The following CELF2 variants were observed in gnomAD, a reference collection of about 807,000 sequenced individuals.
CELF2 encodes CUGBP Elav-like family member 2.
Under a neutral mutation model 62.6 loss-of-function variants are expected in CELF2, and 8 were observed. The observed-to-expected ratio is 0.13, with a 90% CI of 0.07 to 0.23. The LOEUF is 0.23. Among genes scored for constraint, CELF2 ranks in the 10% least tolerant of loss-of-function variants. The pLI is 1.00. For synonymous variants in CELF2, 258 were observed against 250.0 expected, an observed-to-expected ratio of 1.03 and a Z score of -0.30; for missense variants, 333 against 671.0, an observed-to-expected ratio of 0.50 and a Z score of 5.56.
At chr10:10,466,898 A>C in the CELF2 span, among the ~76,000 whole-genome samples, 2 of 152,116 alleles carry the variant, frequency 1.3e-5, no homozygotes, top group African/African-American at 4.8e-5. Flanking sequence ...GTGTCATCTT[A>C]ATATTGAGTT....
At chr10:10,563,978 T>A in the CELF2 span, among the ~76,000 whole-genome samples, 1 of 152,162 alleles carries the variant, frequency 6.6e-6, no homozygotes, top group Non-Finnish European at 1.5e-5. Flanking sequence ...GGCTCAAAGT[T>A]TGAGGCTTGA....
intron 1 of CELF2, among the ~76,000 whole-genome samples, chr10:11,160,440 T>C (rs2065438065): frequency 6.6e-6 from 1 of 152,090 alleles, no homozygotes; most frequent in African/African-American, 2.4e-5. Flanking sequence ...TAGATAAATC[T>C]CAACTCTAAT....
Position 11,010,773 on chromosome 10 carries a change from C to A in CELF2, c.53+5333C>A, listed in dbSNP as rs1478112896. On this transcript the variant is annotated intron_variant, in intron 1 of 12. Coordinates refer to the CELF2 transcript ENST00000416382. This position sits in a 1 kb window ranked among gnomAD's most constrained non-coding sequence, Gnocchi z 4.1. ...CCACTGTAGACGTTGATTTGTGTCT[C>A]CTGGCTTTAACTAGCGAGGAAGTTG... 2 of 152,218 alleles carry A rather than the reference C, an allele frequency of 1.3e-5. No individual in the cohort carries two copies. Among genetic ancestry groups the A allele is most frequent in the Non-Finnish European group, 2.9e-5 (2 of 68,050 alleles). The allele number at this position is 152,218 out of a possible 1,614,324, so 9.4% of individuals were successfully genotyped here.
At chr10:10,911,658 C>A (rs2063823939) in intron 1 of CELF2, among the ~76,000 whole-genome samples, 1 of 152,224 alleles carries the variant, frequency 6.6e-6, no homozygotes, top group Non-Finnish European at 1.5e-5. Context: ...CCTGTCCGGA[C>A]CTCCGTCCAG....
intron 2 of CELF2, among the ~76,000 whole-genome samples, chr10:11,187,212 G>GT (rs764536597): frequency 9.2e-5 from 14 of 151,974 alleles, no homozygotes; most frequent in Non-Finnish European, 1.9e-4. Context: ...TTGAAGTTCT[G>GT]TTTTTTTGAT....
chr10:11,085,347 A>G (rs932339176), intron 1 of CELF2, among the ~76,000 whole-genome samples: 31 of 152,148 alleles, frequency 2.0e-4, no homozygotes, highest in African/African-American at 7.5e-4. Context: ...TTTGATGTTC[A>G]CCTTTTATAC....
chr10:11,110,004 A>T lies in CELF2; in HGVS notation c.75-55482A>T, dbSNP rs2054697420. ...CTGGAAGCGGTGGCTCATGCTTGTA[A>T]TCCCAGCACTTTGAGAGGCTGAGGC... On this transcript the variant is annotated intron_variant, in intron 1 of 12. Coordinates refer to ENST00000633077, the MANE Select transcript of CELF2 (RefSeq NM_001326342.2). This position sits in a 1 kb window ranked among gnomAD's most constrained non-coding sequence, Gnocchi z 4.0. Among the ~76,000 whole-genome samples, 1 of 152,196 alleles carries T rather than the reference A, an allele frequency of 6.6e-6. No individual in the cohort carries two copies. The highest frequency in any genetic ancestry group is 1.5e-5 in the Non-Finnish European group (1 of 68,032).
chr10:11,093,598 T>A (rs1294682281), intron 1 of CELF2, among the ~76,000 whole-genome samples: 1 of 152,198 alleles, frequency 6.6e-6, no homozygotes, highest in East Asian at 1.9e-4. Context: ...TGTTCCTATA[T>A]GTCAAGCAAA....
At chr10:10,939,277 G>GTGT (rs77431498) in intron 2 of CELF2, among the ~76,000 whole-genome samples, 59,118 of 144,754 alleles carry the variant, frequency 0.41, 14,315 homozygotes, top group East Asian at 0.91. Context: ...TTGTTTTGTG[G>GTGT]TGTTGTTGTT....
At chr10:11,261,350 G>A (rs1378815579) in intron 5 of CELF2, among the ~76,000 whole-genome samples, 2 of 151,670 alleles carry the variant, frequency 1.3e-5, no homozygotes, top group African/African-American at 4.8e-5. Flanking sequence ...CTGTGTCAGA[G>A]AGGTACACTG....
At chr10:10,521,509 T>A in the CELF2 span, among the ~76,000 whole-genome samples, 1 of 152,342 alleles carries the variant, frequency 6.6e-6, no homozygotes, top group African/African-American at 2.4e-5. Flanking sequence ...CTCCATGTCA[T>A]GCACTAGGCT....
chr10:11,014,090 C>T (rs748209234), upstream of CELF2, among the ~76,000 whole-genome samples: 5 of 152,140 alleles, frequency 3.3e-5, no homozygotes, highest in African/African-American at 7.2e-5. Context: ...GCACGCTGGA[C>T]GTGTTTTTTT....
the CELF2 span, among the ~76,000 whole-genome samples, chr10:10,699,246 T>C: frequency 6.6e-6 from 1 of 152,170 alleles, no homozygotes; most frequent in African/African-American, 2.4e-5. Context: ...AAATAATATA[T>C]GTTTTTGAGG....
At chr10:11,167,767 C>T (rs528423588) in intron 2 of CELF2, among the ~76,000 whole-genome samples, 24 of 152,304 alleles carry the variant, frequency 1.6e-4, no homozygotes, top group African/African-American at 4.8e-4. Context: ...TTTTTTTGAG[C>T]ACGTGCTATG....
chr10:10,526,255 T>C, the CELF2 span, among the ~76,000 whole-genome samples: 1 of 152,234 alleles, frequency 6.6e-6, no homozygotes, highest in Non-Finnish European at 1.5e-5. Context: ...AATAATAGGC[T>C]GTCACATGAA....
chr10:10,634,423 T>C, the CELF2 span, among the ~76,000 whole-genome samples: 1 of 152,132 alleles, frequency 6.6e-6, no homozygotes. Flanking sequence ...TTACACCACT[T>C]TTAGTAGTGT....
chr10:10,697,992 C>T, the CELF2 span, among the ~76,000 whole-genome samples: 1 of 152,096 alleles, frequency 6.6e-6, no homozygotes, highest in Admixed American at 6.5e-5. Context: ...AGGGTTTTAC[C>T]ATGTTTGGCC....
intron 1 of CELF2, among the ~76,000 whole-genome samples, chr10:11,025,117 T>C (rs572632480): frequency 6.6e-6 from 1 of 152,238 alleles, no homozygotes; most frequent in African/African-American, 2.4e-5. Context: ...AGACAATCAG[T>C]TGGTCTTTTA....
intron 1 of CELF2, among the ~76,000 whole-genome samples, chr10:11,119,860 C>T (rs1450300817): frequency 8.8e-6 from 1 of 113,664 alleles, no homozygotes; most frequent in South Asian, 3.3e-4. Flanking sequence ...TGCTTGATTC[C>T]GCCTCCCCCC....
Sources: allele counts gnomAD v4.1 joint callset (sites outside exome capture counted in the v4.1 genomes callset), GRCh38; gene constraint gnomAD v4.1.1; non-coding constraint Gnocchi (gnomAD v3.1); transcripts MANE v1.5; gene names NCBI Gene and HGNC (gene_info 2026-07-23, HGNC 2026-07-21).